The following FGF14 variants were observed in gnomAD, a reference collection of about 807,000 sequenced individuals.
FGF14 encodes the protein fibroblast growth factor homologous factor 4.
Under a neutral mutation model 25.5 loss-of-function variants are expected in FGF14, and 5 were observed. The ratio of observed to expected loss-of-function variants is 0.20; its 90% CI spans 0.10 to 0.41. FGF14 has a LOEUF of 0.41. Among genes scored for constraint, FGF14 ranks in the 10% least tolerant of loss-of-function variants. The pLI, the probability that FGF14 is intolerant of heterozygous loss-of-function variation, is 1.00. For synonymous variants in FGF14, 138 were observed against 118.3 expected (o/e 1.17, Z -1.08); for missense variants, 222 against 320.1 (o/e 0.69, Z 2.34).
intron 1 of FGF14, among the ~76,000 whole-genome samples, chr13:101,915,070 C>T (rs950498527): frequency 1.3e-5 from 2 of 152,172 alleles, no homozygotes; most frequent in African/African-American, 4.8e-5. Context: ...AATTCTCCAA[C>T]AAGAAGTTCT....
At chr13:101,962,172 TATTG>T (rs1475003985) in intron 1 of FGF14, among the ~76,000 whole-genome samples, 1 of 152,352 alleles carries the variant, frequency 6.6e-6, no homozygotes, top group East Asian at 1.9e-4. Context: ...ATTTTCAAGA[TATTG>T]ATTCTTACTA....
At chr13:101,871,389 T>C (rs1382508461) in intron 2 of FGF14, among the ~76,000 whole-genome samples, 1 of 152,082 alleles carries the variant, frequency 6.6e-6, no homozygotes, top group Non-Finnish European at 1.5e-5. Flanking sequence ...GTTTAGGACA[T>C]AAGGAATTTT....
At chr13:101,871,619 A>G (rs997355772) in intron 2 of FGF14, among the ~76,000 whole-genome samples, 1 of 151,816 alleles carries the variant, frequency 6.6e-6, no homozygotes, top group Non-Finnish European at 1.5e-5. Flanking sequence ...TGTAGTAGCT[A>G]TTGTCTGTCA....
chr13:102,071,316 T>C (rs957035137), intron 1 of FGF14, among the ~76,000 whole-genome samples: 8 of 152,190 alleles, frequency 5.3e-5, no homozygotes, highest in African/African-American at 1.9e-4. Context: ...GAAGCCATTT[T>C]TTCATTATAC....
At chr13:101,904,963 A>G (rs1296730448) in intron 1 of FGF14, among the ~76,000 whole-genome samples, 1 of 152,228 alleles carries the variant, frequency 6.6e-6, no homozygotes, top group Non-Finnish European at 1.5e-5. Flanking sequence ...GTCAAACATG[A>G]AATACTTGAA....
chr13:101,964,229 T>A, intron 1 of FGF14, among the ~76,000 whole-genome samples: 1 of 151,816 alleles, frequency 6.6e-6, no homozygotes, highest in East Asian at 1.9e-4. Flanking sequence ...ATTATTCCTA[T>A]CCCAATGACT....
At chr13:101,747,750 A>G (rs1363967310) in intron 3 of FGF14, among the ~76,000 whole-genome samples, 1 of 152,072 alleles carries the variant, frequency 6.6e-6, no homozygotes, top group African/African-American at 2.4e-5. Flanking sequence ...AACATGCAGA[A>G]TCTACAAGGA....
Position 102,333,832 on chromosome 13 carries a change from C to T in FGF14, c.208+67639G>A, listed in dbSNP as rs143766583. Among the ~76,000 whole-genome samples, 557 of 152,256 alleles carry T rather than the reference C, an allele frequency of 3.7e-3. 4 individuals are homozygous for T. The highest frequency in any genetic ancestry group is 0.013 in the African/African-American group (526 of 41,554). ...CCAGCGTGTAAAGGGCTCTTCCCAT[C>T]AGAGAAATCACCCAACAGCCACCAC... On this transcript the variant is annotated intron_variant, in intron 1 of 4. Coordinates refer to the FGF14 transcript ENST00000376131.
intron 1 of FGF14, among the ~76,000 whole-genome samples, chr13:102,150,031 T>C (rs907710369): frequency 2.6e-5 from 4 of 152,192 alleles, no homozygotes; most frequent in African/African-American, 9.6e-5. Context: ...CTTTAGGGCA[T>C]GTCTTAGAAT....
At chr13:102,246,057 A>G (rs1472679875) in intron 1 of FGF14, among the ~76,000 whole-genome samples, 1 of 152,032 alleles carries the variant, frequency 6.6e-6, no homozygotes, top group African/African-American at 2.4e-5. Context: ...ATAGGTGGAC[A>G]TTTTCATTTT....
chr13:101,987,871 A>G (rs1466623552), intron 1 of FGF14, among the ~76,000 whole-genome samples: 2 of 152,112 alleles, frequency 1.3e-5, no homozygotes, highest in Non-Finnish European at 2.9e-5. Flanking sequence ...TGAGATCCTA[A>G]GTGCAGAGGT....
intron 1 of FGF14, among the ~76,000 whole-genome samples, chr13:102,053,731 A>G (rs2042313113): frequency 6.6e-6 from 1 of 152,152 alleles, no homozygotes; most frequent in South Asian, 2.1e-4. Context: ...AGGAAAAACC[A>G]GAGAAGTTAA....
At chr13:101,830,209 C>A (rs960524593) in intron 3 of FGF14, among the ~76,000 whole-genome samples, 1 of 152,058 alleles carries the variant, frequency 6.6e-6, no homozygotes, top group African/African-American at 2.4e-5. Flanking sequence ...TAGTAGCAAC[C>A]ATTTGATTTT....
intron 1 of FGF14, among the ~76,000 whole-genome samples, chr13:102,232,298 CTAAAAA>C (rs10526838): frequency 0.66 from 99,651 of 151,250 alleles, 33,962 homozygotes; most frequent in African/African-American, 0.84. Context: ...AAGAATAAAA[CTAAAAA>C]TAACTTTCAC....
At chr13:102,337,376 C>T (rs1332525437) in intron 1 of FGF14, among the ~76,000 whole-genome samples, 1 of 152,030 alleles carries the variant, frequency 6.6e-6, no homozygotes, top group Non-Finnish European at 1.5e-5. Flanking sequence ...AGAAGTGGAG[C>T]CTGAAAATGT....
rs1036573085 is a variant in FGF14, at chr13:101,717,644, T to G, written c.*5187A>C. On this transcript the variant is annotated 3_prime_UTR_variant, in exon 5 of 5. Transcript: ENST00000376143. ...AGAAAGTTAAACTTTACGGACCACG[T>G]ACGTCCCTGTCTCATATTCTTCTTT... The G allele has an allele frequency of 3.3e-5, 5 of 151,384 alleles. No homozygotes were observed. The highest frequency in any genetic ancestry group is 1.2e-4 in the African/African-American group (5 of 41,542). 9.4% of individuals were successfully genotyped at this position (151,384 alleles called of 1,614,324 possible). A position where few individuals can be genotyped will look rare whatever the true frequency, so the allele number is the denominator to read the frequency against.
intron 1 of FGF14, among the ~76,000 whole-genome samples, chr13:102,046,460 A>G (rs2140027496): frequency 6.6e-6 from 1 of 152,316 alleles, no homozygotes; most frequent in East Asian, 1.9e-4. Context: ...TAAATGGGGA[A>G]CCACAAAAAA....
rs1246225070 is a variant in FGF14, at chr13:102,400,832, G to C, written c.208+639C>G. Among the ~76,000 whole-genome samples, 1 of 151,988 alleles carries C rather than the reference G, an allele frequency of 6.6e-6. No homozygotes were observed. The highest frequency in any genetic ancestry group is 1.5e-5 in the Non-Finnish European group (1 of 67,992). The stretch of plus-strand genomic sequence containing the variant: ...GGCTGGGCTTGTCCTCTCAGTCTGG[G>C]GTTCCCTCCCGGCGCAAGCCTTGCT... On this transcript the variant is annotated intron_variant, in intron 1 of 4. Coordinates refer to the FGF14 transcript ENST00000376131. This position sits in a 1 kb window ranked among gnomAD's most constrained non-coding sequence, Gnocchi z 4.3.
At chr13:101,830,685 G>C (rs1424492135) in intron 3 of FGF14, among the ~76,000 whole-genome samples, 2 of 151,978 alleles carry the variant, frequency 1.3e-5, no homozygotes, top group African/African-American at 4.8e-5. Flanking sequence ...ATTAACTCCT[G>C]TTAGCATTGT....
Sources: gnomAD v4.1 joint callset for allele counts (sites outside exome capture counted in the v4.1 genomes callset) on GRCh38, gnomAD v4.1.1 for gene constraint, Gnocchi (gnomAD v3.1) non-coding constraint, MANE v1.5 for transcripts, NCBI Gene and HGNC (gene_info 2026-07-23, HGNC 2026-07-21) for gene names.